The following SNX29 variants were observed in gnomAD, a reference collection of about 807,000 sequenced individuals.
The protein encoded by SNX29 is sorting nexin-29.
In SNX29, 78 loss-of-function variants were observed where a neutral mutation model predicts 102.1. That is an observed-to-expected ratio of 0.76 (90% CI 0.64 to 0.92). The LOEUF is 0.92. Among genes scored for constraint, SNX29 ranks in the 40% least tolerant of loss-of-function variants. The pLI is 0.00. For synonymous variants in SNX29, 580 were observed against 414.5 expected (o/e 1.40, Z -4.85); for missense variants, 1,280 against 1,061.7 (o/e 1.21, Z -2.86).
chr16:12,225,852 C>G (rs548898706), intron 14 of SNX29, among the ~76,000 whole-genome samples: 1 of 152,146 alleles, frequency 6.6e-6, no homozygotes, highest in Middle Eastern at 3.2e-3. Flanking sequence ...CTTGGGCACC[C>G]TCAATGTAGT....
At chr16:12,014,762 GA>G (rs1480969807) in intron 3 of SNX29, among the ~76,000 whole-genome samples, 4 of 145,176 alleles carry the variant, frequency 2.8e-5, no homozygotes, top group African/African-American at 1.0e-4. Flanking sequence ...AAAAGAAAAA[GA>G]AAATCATCAG....
intron 15 of SNX29, among the ~76,000 whole-genome samples, chr16:12,287,374 G>GT (rs1013221368): frequency 9.9e-5 from 15 of 152,072 alleles, no homozygotes; most frequent in African/African-American, 2.2e-4. Context: ...GTGTCTCTCT[G>GT]TTTTTTTTAA....
chr16:12,044,666 C>T (rs986870032), intron 5 of SNX29, among the ~76,000 whole-genome samples: 3 of 152,246 alleles, frequency 2.0e-5, no homozygotes, highest in Admixed American at 6.5e-5. Context: ...GTAACCTCTG[C>T]CTCCCGGCTT....
At position 12,570,939 on chromosome 16, in the gene SNX29, C is replaced by G. The variant is rs545956132; in HGVS notation, c.*2310C>G. ...CAAAATGAGAGCATGTTCCTGGGAG[C>G]CACATGGGGACCATCCCCAGCTGCC... On this transcript the variant is annotated 3_prime_UTR_variant, in exon 21 of 21. Transcript: ENST00000566228. 2 of 231,542 alleles carry G rather than the reference C, an allele frequency of 8.6e-6. No homozygotes were observed. The highest frequency in any genetic ancestry group is 1.7e-5 in the Non-Finnish European group (2 of 117,084). The allele number at this position is 231,542 out of a possible 1,614,324, so 14.3% of individuals were successfully genotyped here.
chr16:12,452,500 G>A (rs2086350493), intron 18 of SNX29, among the ~76,000 whole-genome samples: 1 of 152,206 alleles, frequency 6.6e-6, no homozygotes, highest in Admixed American at 6.5e-5. Context: ...AGAGACCAGA[G>A]GAGTTCAGAG....
At chr16:12,464,754 C>T (rs1449338418) in intron 18 of SNX29, among the ~76,000 whole-genome samples, 1 of 152,210 alleles carries the variant, frequency 6.6e-6, no homozygotes, top group Non-Finnish European at 1.5e-5. Flanking sequence ...CACACCCTGT[C>T]TTATTTTCTT....
At chr16:12,407,267 A>G (rs569786054) in intron 18 of SNX29, among the ~76,000 whole-genome samples, 1 of 152,148 alleles carries the variant, frequency 6.6e-6, no homozygotes, top group East Asian at 1.9e-4. Flanking sequence ...CTTTCTTAGG[A>G]AAAACAGCAA....
At chr16:12,244,327 A>G (rs1186911069) in intron 14 of SNX29, among the ~76,000 whole-genome samples, 2 of 152,194 alleles carry the variant, frequency 1.3e-5, no homozygotes, top group Non-Finnish European at 2.9e-5. Context: ...AAATCATACA[A>G]GCCAGGCACG....
intron 15 of SNX29, among the ~76,000 whole-genome samples, chr16:12,310,572 C>T (rs578039595): frequency 9.2e-5 from 14 of 151,558 alleles, no homozygotes; most frequent in African/African-American, 3.4e-4. Context: ...TTATAGAAAA[C>T]TCTGGAAAAT....
intron 20 of SNX29, among the ~76,000 whole-genome samples, chr16:12,543,270 C>T (rs564339374): frequency 7.2e-5 from 11 of 152,278 alleles, no homozygotes; most frequent in South Asian, 2.1e-4. Context: ...GGGTCATCAG[C>T]GCATGCATCT....
chr16:12,301,974 G>A (rs1434649134), intron 15 of SNX29, among the ~76,000 whole-genome samples: 1 of 152,156 alleles, frequency 6.6e-6, no homozygotes, highest in Non-Finnish European at 1.5e-5. Context: ...TATTGATCCT[G>A]AAGGTAAATT....
intron 14 of SNX29, among the ~76,000 whole-genome samples, chr16:12,239,195 T>C (rs552986514): frequency 6.6e-6 from 1 of 152,334 alleles, no homozygotes; most frequent in East Asian, 1.9e-4. Context: ...AGGCAATCTG[T>C]CCTGGTTGTA....
intron 20 of SNX29, among the ~76,000 whole-genome samples, chr16:12,554,784 G>A (rs1056575733): frequency 1.3e-5 from 2 of 152,120 alleles, no homozygotes; most frequent in African/African-American, 2.4e-5. Context: ...GCCATAGAAT[G>A]CAATTGTTTA....
chr16:12,567,887 A>C (rs748067762), intron 20 of SNX29, among the ~76,000 whole-genome samples: 6 of 152,190 alleles, frequency 3.9e-5, no homozygotes, highest in Non-Finnish European at 7.3e-5. Flanking sequence ...GGCCTCCCAC[A>C]CAACCCAGAC....
chr16:12,560,993 C>A (rs780518119), intron 20 of SNX29: 5 of 215,940 alleles, frequency 2.3e-5, no homozygotes, highest in Non-Finnish European at 3.7e-5. Context: ...ACTGCCAGAG[C>A]CATTTCTGGA....
intron 3 of SNX29, among the ~76,000 whole-genome samples, chr16:12,025,494 A>G (rs1177023610): frequency 6.6e-6 from 1 of 152,172 alleles, no homozygotes; most frequent in Non-Finnish European, 1.5e-5. Context: ...CACACATTAT[A>G]TACCAGGTGC....
intron 14 of SNX29, among the ~76,000 whole-genome samples, chr16:12,235,991 G>T (rs1209064958): frequency 3.3e-5 from 5 of 152,144 alleles, no homozygotes; most frequent in African/African-American, 1.2e-4. Context: ...TTTCTGCTAG[G>T]GTAGGGGACG....
intron 19 of SNX29, among the ~76,000 whole-genome samples, chr16:12,494,072 C>T (rs536446777): frequency 1.3e-5 from 2 of 152,246 alleles, no homozygotes; most frequent in East Asian, 3.9e-4. Flanking sequence ...TGGATGCCAT[C>T]CTTTGTCTAC....
Position 12,571,476 on chromosome 16 carries a change from A to G in SNX29, c.*2847A>G. ...TCTGAGAACAGAAGCCCCCTCCCCT[A>G]CTCAGAGAGGAACGAGGGTGGCCCA... On this transcript the variant is annotated 3_prime_UTR_variant, in exon 21 of 21. Coordinates refer to ENST00000566228, the MANE Select transcript of SNX29 (RefSeq NM_032167.5). 1 of 269,412 alleles carries G rather than the reference A, an allele frequency of 3.7e-6. No individual in the cohort carries two copies. The allele number at this position is 269,412 out of a possible 1,614,324, so 16.7% of individuals were successfully genotyped here. A position where few individuals can be genotyped will look rare whatever the true frequency, so the allele number is the denominator to read the frequency against.
Sources: gnomAD v4.1 joint callset for allele counts (sites outside exome capture counted in the v4.1 genomes callset) on GRCh38, gnomAD v4.1.1 for gene constraint, MANE v1.5 for transcripts, NCBI Gene and HGNC (gene_info 2026-07-23, HGNC 2026-07-21) for gene names.